GRIK2: variants seen among roughly 807,000 people sequenced by gnomAD.
GRIK2 encodes glutamate ionotropic receptor kainate type subunit 2, also known as glutamate receptor ionotropic, kainate 2.
Under a neutral mutation model 100.3 loss-of-function variants are expected in GRIK2, and 32 were observed. The observed-to-expected ratio is 0.32, with a 90% confidence interval of 0.24 to 0.43. The LOEUF (loss-of-function observed/expected upper bound fraction) is 0.43. Among genes scored for constraint, GRIK2 ranks in the 20% least tolerant of loss-of-function variants. The pLI is 1.00. For synonymous variants in GRIK2, 417 were observed against 389.4 expected, an observed-to-expected ratio of 1.07 and a Z score of -0.83; for missense variants, 843 against 1,114.9, an observed-to-expected ratio of 0.76 and a Z score of 3.47.
At chr6:101,439,888 G>C (rs1769948993) in intron 2 of GRIK2, among the ~76,000 whole-genome samples, 1 of 152,064 alleles carries the variant, frequency 6.6e-6, no homozygotes, top group Admixed American at 6.6e-5. Flanking sequence ...ATCTTTGAGA[G>C]AGTCTTGTGA....
chr6:101,969,971 A>T (rs1362125125), intron 14 of GRIK2, among the ~76,000 whole-genome samples: 1 of 151,920 alleles, frequency 6.6e-6, no homozygotes, highest in Non-Finnish European at 1.5e-5. Context: ...TCTTTTTCCT[A>T]TAATGTTCTC....
chr6:101,844,466 G>A (rs1214595106), intron 10 of GRIK2, among the ~76,000 whole-genome samples: 3 of 152,218 alleles, frequency 2.0e-5, no homozygotes, highest in African/African-American at 7.2e-5. Context: ...GCTTGTGAAT[G>A]GTACTAGAAC....
chr6:101,430,023 TG>T (rs1309653371), intron 2 of GRIK2, among the ~76,000 whole-genome samples: 1 of 152,156 alleles, frequency 6.6e-6, no homozygotes, highest in Non-Finnish European at 1.5e-5. Flanking sequence ...CAGGAGCTCT[TG>T]CCAGCCTTTA....
At chr6:101,424,254 G>C (rs1776573962) in intron 2 of GRIK2, among the ~76,000 whole-genome samples, 2 of 151,492 alleles carry the variant, frequency 1.3e-5, no homozygotes, top group African/African-American at 4.9e-5. Flanking sequence ...GTGCCATGTT[G>C]GTGTGCTGCA....
Position 101,928,396 on chromosome 6 carries a change from T to A in GRIK2, c.1868-19T>A, listed in dbSNP as rs753616640. On this transcript the variant is annotated intron_variant, in intron 13 of 16. Transcript: ENST00000369134. ...CAAATTCTCTATATTCGTTTCACCT[T>A]TCCCCCACTCTCTGTTAGGTTCTGA... 1 of 1,279,828 alleles carries A rather than the reference T, an allele frequency of 7.8e-7. No homozygotes were observed. The highest frequency in any genetic ancestry group is 2.3e-5 in the East Asian group (1 of 43,328). 79.3% of individuals were successfully genotyped at this position (1,279,828 alleles called of 1,614,324 possible). A position where few individuals can be genotyped will look rare whatever the true frequency, so the allele number is the denominator to read the frequency against.
intron 2 of GRIK2, among the ~76,000 whole-genome samples, chr6:101,454,480 A>G (rs1770885578): frequency 6.6e-6 from 1 of 152,132 alleles, no homozygotes; most frequent in Non-Finnish European, 1.5e-5. Flanking sequence ...GGAAGAACCC[A>G]TTAAGCCAGT....
At chr6:101,930,568 G>A (rs78352645) in intron 14 of GRIK2, among the ~76,000 whole-genome samples, 1,832 of 151,706 alleles carry the variant, frequency 0.012, 36 homozygotes, top group African/African-American at 0.04. Flanking sequence ...AAACATTTCC[G>A]TTTTAATTTT....
At chr6:101,999,821 T>C (rs919656501) in intron 14 of GRIK2, among the ~76,000 whole-genome samples, 2 of 152,116 alleles carry the variant, frequency 1.3e-5, no homozygotes, top group East Asian at 3.9e-4. Context: ...AGGTAACTTA[T>C]ATCGGGTTGG....
intron 7 of GRIK2, among the ~76,000 whole-genome samples, chr6:101,779,470 A>G (rs1254848289): frequency 6.6e-6 from 1 of 152,220 alleles, no homozygotes; most frequent in East Asian, 1.9e-4. Flanking sequence ...TGTGTAGGAC[A>G]ATATTGCACA....
chr6:101,430,982 A>G, intron 2 of GRIK2: 1 of 270,984 alleles, frequency 3.7e-6, no homozygotes, highest in Non-Finnish European at 7.8e-6. Flanking sequence ...TGTGTAAGTG[A>G]CCCCATCTCC....
At chr6:101,494,981 A>ATATG (rs1449522210) in intron 2 of GRIK2, among the ~76,000 whole-genome samples, 2 of 144,772 alleles carry the variant, frequency 1.4e-5, no homozygotes, top group Non-Finnish European at 3.0e-5. Context: ...TTATATATAT[A>ATATG]TATATATATA....
chr6:101,867,676 G>A (rs1394610375), intron 11 of GRIK2, among the ~76,000 whole-genome samples: 2 of 151,472 alleles, frequency 1.3e-5, no homozygotes, highest in East Asian at 1.9e-4. Context: ...TATGTTAAGT[G>A]TTTAATTTTT....
chr6:101,953,100 T>C (rs1791705196), intron 14 of GRIK2, among the ~76,000 whole-genome samples: 1 of 152,218 alleles, frequency 6.6e-6, no homozygotes, highest in African/African-American at 2.4e-5. Context: ...TGTATCAAAA[T>C]TTTATTCTTC....
chr6:101,579,474 T>TTTTCTTTTTCTTTCTCTTTC (rs1401833509), intron 2 of GRIK2, among the ~76,000 whole-genome samples: 1 of 150,382 alleles, frequency 6.6e-6, no homozygotes, highest in Non-Finnish European at 1.5e-5. Flanking sequence ...TTTCTCTCTT[T>TTTTCTTTTTCTTTCTCTTTC]TTTCTTTTTC....
chr6:102,021,171 T>A (rs1166425450), intron 14 of GRIK2, among the ~76,000 whole-genome samples: 1 of 151,770 alleles, frequency 6.6e-6, no homozygotes, highest in Admixed American at 6.6e-5. Flanking sequence ...AGACAAATAG[T>A]TAAAGTAAAA....
intron 2 of GRIK2, among the ~76,000 whole-genome samples, chr6:101,465,938 C>A (rs1287338454): frequency 6.6e-6 from 1 of 152,090 alleles, no homozygotes; most frequent in Non-Finnish European, 1.5e-5. Context: ...GAGGCAATGT[C>A]TAAAAGCATG....
intron 2 of GRIK2, among the ~76,000 whole-genome samples, chr6:101,412,466 G>T (rs1156402164): frequency 6.6e-6 from 1 of 151,910 alleles, no homozygotes. Context: ...ATGATTATAG[G>T]TTGGATAGAG....
chr6:102,031,934 A>T (rs1002199886), intron 14 of GRIK2, among the ~76,000 whole-genome samples: 2 of 151,320 alleles, frequency 1.3e-5, no homozygotes, highest in African/African-American at 2.4e-5. Context: ...TATTCCAAAA[A>T]GGAAGAGAGA....
chr6:102,044,860 A>G (rs1026944859), intron 15 of GRIK2, among the ~76,000 whole-genome samples: 2 of 151,958 alleles, frequency 1.3e-5, no homozygotes, highest in South Asian at 4.1e-4. Flanking sequence ...TAAATTTCTT[A>G]TGCTGACCTT....
Sources: allele counts gnomAD v4.1 joint callset (sites outside exome capture counted in the v4.1 genomes callset), GRCh38; gene constraint gnomAD v4.1.1; transcripts MANE v1.5; gene names NCBI Gene and HGNC (gene_info 2026-07-23, HGNC 2026-07-21).